CDK19: variants seen among roughly 807,000 people sequenced by gnomAD.
CDK19 encodes the protein cyclin dependent kinase 19, also known as cyclin-dependent kinase 19.
A neutral mutation model predicts 68.3 loss-of-function variants in CDK19; 20 were observed. That is an observed-to-expected ratio of 0.29 (90% confidence interval 0.21 to 0.43). The LOEUF (loss-of-function observed/expected upper bound fraction) is 0.43, where lower values mean the gene tolerates loss of function less well. Among genes scored for constraint, CDK19 ranks in the 20% least tolerant of loss-of-function variants. The pLI, the probability that CDK19 is intolerant of heterozygous loss-of-function variation, is 1.00. For missense variants in CDK19, 339 were observed against 623.5 expected (o/e 0.54, Z 4.86); for synonymous variants, 221 against 222.8 (o/e 0.99, Z 0.07).
intron 1 of CDK19, among the ~76,000 whole-genome samples, chr6:110,752,248 G>C (rs117224807): frequency 0.018 from 2,736 of 152,100 alleles, 55 homozygotes; most frequent in Non-Finnish European, 0.024. Flanking sequence ...TGACAGTAAT[G>C]CTGCATGTAC....
chr6:110,739,921 G>A (rs895830206), intron 2 of CDK19, among the ~76,000 whole-genome samples: 1 of 151,634 alleles, frequency 6.6e-6, no homozygotes, highest in Non-Finnish European at 1.5e-5. Context: ...ATTACAGGTG[G>A]GGGCCACCAC....
chr6:110,622,713 G>A, intron 10 of CDK19, 102 bp downstream of exon 10: 2 of 772,146 alleles, frequency 2.6e-6, no homozygotes, highest in South Asian at 1.5e-5. Flanking sequence ...TGGTATCATT[G>A]AAAAAGTTAA....
intron 2 of CDK19, among the ~76,000 whole-genome samples, chr6:110,703,397 G>T (rs1026226824): frequency 6.6e-6 from 1 of 151,836 alleles, no homozygotes. Context: ...ATGTTAAATG[G>T]AGTTTTTATA....
intron 1 of CDK19, among the ~76,000 whole-genome samples, chr6:110,769,008 A>C (rs1488695393): frequency 6.6e-6 from 1 of 151,418 alleles, no homozygotes; most frequent in East Asian, 1.9e-4. Flanking sequence ...CAGAAAAATT[A>C]GCCTGGCATG....
At chr6:110,779,741 C>A (rs762300825) in intron 1 of CDK19, among the ~76,000 whole-genome samples, 31 of 152,034 alleles carry the variant, frequency 2.0e-4, no homozygotes, top group Non-Finnish European at 3.2e-4. Flanking sequence ...AACAGTAAGA[C>A]CCCATCTCTA....
chr6:110,642,161 C>T (rs1426755438), intron 4 of CDK19, among the ~76,000 whole-genome samples: 4 of 152,162 alleles, frequency 2.6e-5, no homozygotes, highest in Admixed American at 2.0e-4. Flanking sequence ...ATTAGCTGGG[C>T]GTGGTGGTGT....
chr6:110,741,754 ACAGT>A (rs1430122621), intron 2 of CDK19, among the ~76,000 whole-genome samples: 2 of 152,198 alleles, frequency 1.3e-5, no homozygotes, highest in African/African-American at 4.8e-5. Flanking sequence ...CAGAGATGAC[ACAGT>A]CAAAGTGTGA....
chr6:110,709,826 C>CA (rs1774806787), intron 2 of CDK19, among the ~76,000 whole-genome samples: 1 of 152,044 alleles, frequency 6.6e-6, no homozygotes, highest in Admixed American at 6.6e-5. Flanking sequence ...GTTTACACAC[C>CA]ATCAAAATAT....
At chr6:110,792,842 C>A (rs1781694258) in intron 1 of CDK19, among the ~76,000 whole-genome samples, 1 of 152,148 alleles carries the variant, frequency 6.6e-6, no homozygotes. Context: ...GGAAATTTAT[C>A]ATTGAAACCC....
intron 4 of CDK19, among the ~76,000 whole-genome samples, chr6:110,643,521 G>T (rs79822219): frequency 0.013 from 1,927 of 152,154 alleles, 49 homozygotes; most frequent in African/African-American, 0.044. Context: ...TGGATGAAGT[G>T]GCTCAATAAA....
chr6:110,815,009 C>A lies in CDK19; in HGVS notation c.128G>T (p.Gly43Val). Reference protein sequence around the residue: ...GHVYKARRKDGKDEKEYALKQ... With the variant: ...GHVYKARRKDVKDEKEYALKQ... ...CTACTCCTCCCGCCCCTGCTCTTAC[C>A]CATCTTTCCGCCTCGCCTTGTAGAC... is the stretch of plus-strand genomic sequence containing the variant. Residue 43 changes from glycine (G) to valine (V), a missense_variant and splice_region_variant, in exon 1 of 13, where the codon GGA becomes GTA. Coordinates refer to ENST00000368911, the MANE Select transcript of CDK19 (RefSeq NM_015076.5). 1 of 1,604,402 alleles carries A rather than the reference C, an allele frequency of 6.2e-7. No homozygotes were observed. Among genetic ancestry groups the A allele is most frequent in the South Asian group, 1.1e-5 (1 of 90,240 alleles).
intron 2 of CDK19, among the ~76,000 whole-genome samples, chr6:110,676,432 A>ACT (rs1167970752): frequency 6.6e-6 from 1 of 152,208 alleles, no homozygotes. Flanking sequence ...GAGAGGACTG[A>ACT]CTCAAATTTT....
At chr6:110,705,937 G>A (rs1774429248) in intron 2 of CDK19, among the ~76,000 whole-genome samples, 1 of 151,970 alleles carries the variant, frequency 6.6e-6, no homozygotes, top group East Asian at 1.9e-4. Context: ...CATGGCACAT[G>A]TATACCTATG....
rs546939830 is a variant in CDK19, at chr6:110,613,091, C to G, written c.*1444G>C. The G allele has an allele frequency of 1.3e-5, 2 of 152,716 alleles. No individual in the cohort carries two copies. The highest frequency in any genetic ancestry group is 4.8e-5 in the African/African-American group (2 of 41,574). 9.5% of individuals were successfully genotyped at this position (152,716 alleles called of 1,614,324 possible). Reference sequence around the variant, plus strand: ...GTAGCATTCAGAAGAACACAAATTTCTTGCCCCTTACATTACAATGGGAGC... The same window carrying G: ...GTAGCATTCAGAAGAACACAAATTTGTTGCCCCTTACATTACAATGGGAGC... On this transcript the variant is annotated 3_prime_UTR_variant, in exon 13 of 13. Coordinates refer to ENST00000368911, the MANE Select transcript of CDK19 (RefSeq NM_015076.5).
chr6:110,748,407 C>T (rs1778223922), intron 1 of CDK19, among the ~76,000 whole-genome samples: 1 of 152,148 alleles, frequency 6.6e-6, no homozygotes, highest in Non-Finnish European at 1.5e-5. Flanking sequence ...GTAATTATTT[C>T]ACTTAATAAG....
chr6:110,655,743 C>A (rs1476258499), intron 4 of CDK19, among the ~76,000 whole-genome samples: 1 of 152,094 alleles, frequency 6.6e-6, no homozygotes. Flanking sequence ...ATTTCTCCAC[C>A]AGCTGACTTC....
chr6:110,692,292 C>CAA (rs752992540), intron 2 of CDK19, among the ~76,000 whole-genome samples: 5 of 83,438 alleles, frequency 6.0e-5, no homozygotes, highest in African/African-American at 1.8e-4. Context: ...GACTCCGTCT[C>CAA]AAAAAAAAAA....
chr6:110,758,709 A>G (rs952216748), intron 1 of CDK19, among the ~76,000 whole-genome samples: 2 of 152,188 alleles, frequency 1.3e-5, no homozygotes, highest in East Asian at 1.9e-4. Flanking sequence ...GACAGTGATG[A>G]TCAAACATCA....
intron 1 of CDK19, chr6:110,813,725 T>G (rs1562309813): frequency 1.3e-5 from 2 of 152,226 alleles, no homozygotes; most frequent in Non-Finnish European, 2.9e-5. Flanking sequence ...TAGAGTTGTT[T>G]TATGAAGTTA....
Sources: gnomAD v4.1 joint callset for allele counts (sites outside exome capture counted in the v4.1 genomes callset) on GRCh38, gnomAD v4.1.1 for gene constraint, MANE v1.5 for transcripts, NCBI Gene and HGNC (gene_info 2026-07-23, HGNC 2026-07-21) for gene names.